The following CHAF1B variants were observed in gnomAD, a reference collection of about 807,000 sequenced individuals.
CHAF1B encodes the protein CAF-1 subunit B.
Under a neutral mutation model 60.7 loss-of-function variants are expected in CHAF1B, and 10 were observed. The observed-to-expected ratio is 0.16, with a 90% CI of 0.10 to 0.28. The LOEUF (loss-of-function observed/expected upper bound fraction) is 0.28, where lower values mean the gene tolerates loss of function less well. CHAF1B is among the 10% of genes least tolerant of loss of function. The probability of loss-of-function intolerance (pLI) is 1.00; values close to 1 mark genes in which losing one functional copy is unlikely to be tolerated. For missense variants in CHAF1B, 558 were observed against 708.4 expected (o/e 0.79, Z 2.41); for synonymous variants, 261 against 266.1 (o/e 0.98, Z 0.19).
intron 10 of CHAF1B, among the ~76,000 whole-genome samples, chr21:36,409,974 T>G (rs1391776988): frequency 6.6e-6 from 1 of 151,874 alleles, no homozygotes; most frequent in African/African-American, 2.4e-5. Flanking sequence ...TTTCTTTTTT[T>G]TTTTTTTGAG....
intron 4 of CHAF1B, 80 bp downstream of exon 4, chr21:36,391,748 T>TA (rs2086090706): frequency 2.1e-6 from 2 of 938,086 alleles, no homozygotes; most frequent in East Asian, 5.1e-5. Flanking sequence ...ACTTTTTTTT[T>TA]CTTTTCTTTT....
In CHAF1B at chr21:36,416,664, G is replaced by A; in HGVS notation, c.*298G>A. On this transcript the variant is annotated 3_prime_UTR_variant, in exon 14 of 14. Transcript: ENST00000314103. ...TGTGAAAATCAGTGAGTCCTCCCTG[G>A]CATCCTCGTGAAAGTGCACACACTT... The A allele has an allele frequency of 4.0e-6, 1 of 247,504 alleles. No individual in the cohort carries two copies. The highest frequency in any genetic ancestry group is 7.8e-6 in the Non-Finnish European group (1 of 128,748). The allele number at this position is 247,504 out of a possible 1,614,324, so 15.3% of individuals were successfully genotyped here.
chr21:36,389,796 T>TGCGC (rs1263503885), intron 3 of CHAF1B, among the ~76,000 whole-genome samples: 14 of 109,706 alleles, frequency 1.3e-4, no homozygotes, highest in African/African-American at 5.4e-4. Context: ...TGTGTGTGTG[T>TGCGC]GTGTGCGCGC....
chr21:36,388,126 A>G (rs922513684), intron 3 of CHAF1B, among the ~76,000 whole-genome samples: 2 of 151,840 alleles, frequency 1.3e-5, no homozygotes, highest in African/African-American at 4.8e-5. Context: ...CCCGGCCTGG[A>G]TATGCTTTTT....
chr21:36,411,093 G>A (rs1023754072), intron 10 of CHAF1B, among the ~76,000 whole-genome samples: 9 of 147,336 alleles, frequency 6.1e-5, no homozygotes, highest in Middle Eastern at 3.4e-3. Context: ...GATGCTGGAT[G>A]TATTTTTATT....
rs138120217 is a variant in CHAF1B, at chr21:36,416,297, C to T, written c.1611C>T (p.Gly537=). Residue 537 remains glycine, a synonymous_variant, in exon 14 of 14, where the codon GGC becomes GGT. Coordinates refer to ENST00000314103, the MANE Select transcript of CHAF1B (RefSeq NM_005441.3). ...IQSETPGDAQ[G]SPPELKRPRL... The stretch of plus-strand genomic sequence containing the variant: ...CAGAGACGCCTGGAGACGCTCAGGG[C>T]AGTCCCCCAGAGCTAAAGCGGCCCA... 5.0e-6 allele frequency: 8 copies of T among 1,613,846 alleles called. No homozygotes were observed. Among genetic ancestry groups the T allele is most frequent in the Non-Finnish European group, 5.9e-6 (7 of 1,179,894 alleles).
chr21:36,405,682 C>T (rs768713060), intron 8 of CHAF1B, among the ~76,000 whole-genome samples: 5 of 152,018 alleles, frequency 3.3e-5, no homozygotes, highest in East Asian at 1.9e-4. Context: ...CCTTCCGCCT[C>T]GGCCTCCCAA....
chr21:36,413,093 CCCAAGA>C lies in CHAF1B; in HGVS notation c.1274_1279del (p.Gln425_Asp426del). On this transcript the variant is annotated inframe_deletion, in exon 12 of 14. Transcript: ENST00000314103. Reference sequence around the variant, plus strand: ...GTAGAGGGAACCCCTGCCAGCAGAACCCAAGACCCCAGCAGCCCCGGCACGACTCCC... The same window carrying C: ...GTAGAGGGAACCCCTGCCAGCAGAACCCCCAGCAGCCCCGGCACGACTCCC... 6.2e-7 allele frequency: 1 copy of C among 1,614,140 alleles called. No individual in the cohort carries two copies. Among genetic ancestry groups the C allele is most frequent in the Non-Finnish European group, 8.5e-7 (1 of 1,180,032 alleles).
In CHAF1B at chr21:36,418,409, C is replaced by T; in HGVS notation, c.*2043C>T. Reference sequence around the variant, plus strand: ...GACAGTATGCAGGAGGTGCCATCAGCTCTTCTGAAAAGAGACAGCTTTCAG... The same window carrying T: ...GACAGTATGCAGGAGGTGCCATCAGTTCTTCTGAAAAGAGACAGCTTTCAG... On this transcript the variant is annotated 3_prime_UTR_variant, in exon 14 of 14. Coordinates refer to ENST00000314103, the MANE Select transcript of CHAF1B (RefSeq NM_005441.3). The T allele has an allele frequency of 6.6e-6, 1 of 152,308 alleles. No individual in the cohort carries two copies. Among genetic ancestry groups the T allele is most frequent in the Non-Finnish European group, 1.5e-5 (1 of 68,112 alleles). 9.4% of individuals were successfully genotyped at this position (152,308 alleles called of 1,614,324 possible).
At chr21:36,393,233 G>A (rs1285210902) in intron 4 of CHAF1B, among the ~76,000 whole-genome samples, 41 of 151,558 alleles carry the variant, frequency 2.7e-4, no homozygotes, top group Non-Finnish European at 5.9e-5. Context: ...GGAGACGGTG[G>A]AGGGAGAGGG....
chr21:36,386,725 T>A (rs928937047), intron 2 of CHAF1B, among the ~76,000 whole-genome samples: 1 of 152,066 alleles, frequency 6.6e-6, no homozygotes, highest in Non-Finnish European at 1.5e-5. Context: ...TTCTTTTTTT[T>A]TTTTTTGAGA....
rs573231290 is a variant in CHAF1B at position 36,388,367 on chromosome 21, A to C, written c.259+637A>C. Among the ~76,000 whole-genome samples the C allele has an allele frequency of 2.6e-5, 4 of 151,478 alleles. No individual in the cohort carries two copies. In the East Asian group the frequency reaches 7.8e-4, roughly 29 times the overall value. On this transcript the variant is annotated intron_variant, in intron 3 of 13. Transcript: ENST00000314103. ...AAGGCGACTGTTCTGGTTTTGTTGG[A>C]TTGTTAGTTTAACATCTGTGGTGAT...
Position 36,390,147 on chromosome 21 carries a change from A to G in CHAF1B, c.260-1404A>G, listed in dbSNP as rs146369211. 6.3e-3 allele frequency among the ~76,000 whole-genome samples: 960 copies of G among 152,088 alleles called. 14 individuals carry two copies. The highest frequency in any genetic ancestry group is 0.021 in the African/African-American group (889 of 41,494). ...TCAGGGGTTCGAGACCAGCCTGACC[A>G]ACATGGAGAAACCTCGTCTCTACTA... On this transcript the variant is annotated intron_variant, in intron 3 of 13. Transcript: ENST00000314103.
At chr21:36,391,816 G>C in intron 4 of CHAF1B, 148 bp downstream of exon 4, 1 of 428,428 alleles carries the variant, frequency 2.3e-6, no homozygotes, top group Non-Finnish European at 4.2e-6. Flanking sequence ...ACAGTACCCT[G>C]CAGCCTTGAC....
At position 36,385,429 on chromosome 21, in the gene CHAF1B, TCTGA is replaced by T. The variant is rs756972652; in HGVS notation, c.-96_-93del. Reference sequence around the variant, plus strand: ...GCGCTGCGCGGGAGGTGACGGTGCCTCTGACTGTCCGGGTCCCTCCAGGTACGGC... The same window carrying T: ...GCGCTGCGCGGGAGGTGACGGTGCCTCTGTCCGGGTCCCTCCAGGTACGGC... On this transcript the variant is annotated 5_prime_UTR_variant, in exon 1 of 14. Coordinates refer to ENST00000314103, the MANE Select transcript of CHAF1B (RefSeq NM_005441.3). The T allele has an allele frequency of 7.2e-5, 11 of 152,024 alleles. No homozygotes were observed. The East Asian group carries it at 2.1e-3, about 30-fold the overall frequency. The allele number at this position is 152,024 out of a possible 1,614,324, so 9.4% of individuals were successfully genotyped here.
chr21:36,406,529 A>T (rs1440723004), intron 8 of CHAF1B, among the ~76,000 whole-genome samples: 1 of 151,070 alleles, frequency 6.6e-6, no homozygotes, highest in Non-Finnish European at 1.5e-5. Context: ...CAGGTGATCC[A>T]CCCGCCTCAG....
At chr21:36,415,901 C>T (rs1168986836) in intron 13 of CHAF1B, 5 of 325,414 alleles carry the variant, frequency 1.5e-5, no homozygotes, top group African/African-American at 8.9e-5. Context: ...TACAGGCGTG[C>T]GCCATCACAC....
At position 36,391,558 on chromosome 21, in the gene CHAF1B, C is replaced by T; in HGVS notation, c.267C>T (p.Val89=). Residue 89 remains valine (V), a synonymous_variant, in exon 4 of 14, where the codon GTC becomes GTT. Transcript: ENST00000314103. ...EILASGGDDA[V]ILLWKVNDNK... ...TACTGAATCACCCTGCAGATGCTGT[C>T]ATCCTATTGTGGAAGGTGAATGATA... The T allele has an allele frequency of 2.5e-6, 4 of 1,605,558 alleles. No homozygotes were observed. Among genetic ancestry groups the T allele is most frequent in the Middle Eastern group, 1.7e-4 (1 of 6,024 alleles).
intron 7 of CHAF1B, among the ~76,000 whole-genome samples, chr21:36,402,293 CAG>C (rs2086197469): frequency 2.0e-5 from 3 of 152,066 alleles, no homozygotes; most frequent in Admixed American, 6.6e-5. Flanking sequence ...GCCTGGGTGA[CAG>C]AGCGAGACTC....
Sources: allele counts gnomAD v4.1 joint callset (sites outside exome capture counted in the v4.1 genomes callset), GRCh38; gene constraint gnomAD v4.1.1; transcripts MANE v1.5; gene names NCBI Gene and HGNC (gene_info 2026-07-23, HGNC 2026-07-21).